GRK5: variants seen among roughly 807,000 people sequenced by gnomAD.
The protein encoded by GRK5 is g protein-coupled receptor kinase GRK5.
Under a neutral mutation model 78.4 loss-of-function variants are expected in GRK5, and 40 were observed. The ratio of observed to expected loss-of-function variants is 0.51; its 90% confidence interval spans 0.40 to 0.66. GRK5 has a LOEUF of 0.66. Among genes scored for constraint, GRK5 ranks in the 30% least tolerant of loss-of-function variants. The pLI, the probability that GRK5 is intolerant of heterozygous loss-of-function variation, is 0.00. For missense variants in GRK5, 598 were observed against 759.9 expected (o/e 0.79, Z 2.50); for synonymous variants, 289 against 296.8 (o/e 0.97, Z 0.27).
At chr10:119,209,257 C>A (rs1322592419) in intron 1 of GRK5, among the ~76,000 whole-genome samples, 1 of 152,162 alleles carries the variant, frequency 6.6e-6, no homozygotes, top group Non-Finnish European at 1.5e-5. Flanking sequence ...CTCAACCCGG[C>A]ATTCGTGTCT....
intron 4 of GRK5, among the ~76,000 whole-genome samples, chr10:119,414,390 T>TGA (rs985397517): frequency 6.6e-5 from 10 of 151,940 alleles, no homozygotes; most frequent in Non-Finnish European, 1.0e-4. Flanking sequence ...TGTGTGTGTG[T>TGA]GAGAGAGAGA....
At chr10:119,453,348 A>G in intron 15 of GRK5, 72 bp downstream of exon 15, 1 of 1,568,638 alleles carries the variant, frequency 6.4e-7, no homozygotes, top group Non-Finnish European at 8.7e-7. Context: ...GGGAAACGAG[A>G]AGACCCACAG....
At chr10:119,397,597 C>T (rs1449563328) in intron 4 of GRK5, among the ~76,000 whole-genome samples, 1 of 152,214 alleles carries the variant, frequency 6.6e-6, no homozygotes, top group Non-Finnish European at 1.5e-5. Context: ...CTGCTCAGGA[C>T]CCTGTGGGCC....
intron 2 of GRK5, among the ~76,000 whole-genome samples, chr10:119,340,252 A>G (rs2252545): frequency 0.11 from 16,021 of 151,998 alleles, 1,567 homozygotes; most frequent in African/African-American, 0.26. Context: ...TCAGCCTCCC[A>G]AGTAGCTGGG....
chr10:119,324,953 C>T (rs892941048), intron 1 of GRK5, among the ~76,000 whole-genome samples: 8 of 152,188 alleles, frequency 5.3e-5, no homozygotes, highest in Non-Finnish European at 1.0e-4. Flanking sequence ...AGGCCTTGGC[C>T]GTCTGTGGAG....
chr10:119,292,110 CTCT>C (rs1849984475), intron 1 of GRK5, among the ~76,000 whole-genome samples: 2 of 59,134 alleles, frequency 3.4e-5, no homozygotes, highest in Non-Finnish European at 7.1e-5. Flanking sequence ...CCTCCTTCTC[CTCT>C]TCCTCCCTCT....
In GRK5 at chr10:119,394,336, CTGTG is replaced by C. The variant is rs554326112; in HGVS notation, c.262-2354_262-2351del. Among the ~76,000 whole-genome samples the C allele has an allele frequency of 1.1e-3, 15 of 13,484 alleles. 4 individuals carry two copies. In the South Asian group the frequency reaches 0.013, roughly 11 times the overall value. The allele number at this position is 13,484 out of a possible 152,430, so 8.8% of individuals were successfully genotyped here. A position where few individuals can be genotyped will look rare whatever the true frequency, so the allele number is the denominator to read the frequency against. The stretch of plus-strand genomic sequence containing the variant: ...CACGTGGGTGTGTGTATCTGTGTGT[CTGTG>C]TGTGGGCATGTGGGTGTGTGGGTGT... On this transcript the variant is annotated intron_variant, in intron 3 of 15. Coordinates refer to ENST00000392870, the MANE Select transcript of GRK5 (RefSeq NM_005308.3).
chr10:119,408,743 T>G (rs7092081), intron 4 of GRK5, among the ~76,000 whole-genome samples: 77,992 of 152,010 alleles, frequency 0.51, 21,562 homozygotes, highest in Middle Eastern at 0.66. Flanking sequence ...GAGTGTCTGT[T>G]GGGATGATAA....
In GRK5 at chr10:119,457,503, G is replaced by A. The variant is rs1040476899; in HGVS notation, c.*2436G>A. The stretch of plus-strand genomic sequence containing the variant: ...CCCTCCCTGAGTGCCCAGAGGAGAT[G>A]GGGGCAGAGTCACTTGGCCTACTAA... On this transcript the variant is annotated 3_prime_UTR_variant, in exon 16 of 16. Coordinates refer to ENST00000392870, the MANE Select transcript of GRK5 (RefSeq NM_005308.3). 5.3e-5 allele frequency: 8 copies of A among 152,078 alleles called. No individual in the cohort carries two copies. The highest frequency in any genetic ancestry group is 8.8e-5 in the Non-Finnish European group (6 of 68,036). The allele number at this position is 152,078 out of a possible 1,614,324, so 9.4% of individuals were successfully genotyped here.
At position 119,451,371 on chromosome 10, in the gene GRK5, T is replaced by C. The variant is rs76065646; in HGVS notation, c.1405-1300T>C. Among the ~76,000 whole-genome samples the C allele has an allele frequency of 3.9e-5, 6 of 152,192 alleles. No individual in the cohort carries two copies. The East Asian group carries it at 1.2e-3, about 29-fold the overall frequency. ...ATTACAGATTTTTAAAATACGCTCA[T>C]TTCTTAACATTCCTCTGCAAGCCAC... On this transcript the variant is annotated intron_variant, in intron 13 of 15. Coordinates refer to ENST00000392870, the MANE Select transcript of GRK5 (RefSeq NM_005308.3).
Position 119,336,222 on chromosome 10 carries a change from C to T in GRK5, c.148+9611C>T, listed in dbSNP as rs1654705385. On this transcript the variant is annotated intron_variant, in intron 2 of 15. Transcript: ENST00000392870. The surrounding 1 kb of genome is among the most constrained non-coding windows in gnomAD (Gnocchi z 4.5). ...AGCTTCCTCTTCTTGGAAGCCTGCC[C>T]TGATTCCTGCAGTCCTCAGCCTTCC... 6.6e-6 allele frequency: 1 copy of T among 152,324 alleles called. No individual in the cohort carries two copies. Among genetic ancestry groups the T allele is most frequent in the Admixed American group, 6.6e-5 (1 of 15,264 alleles). The allele number at this position is 152,324 out of a possible 1,614,324, so 9.4% of individuals were successfully genotyped here. A position where few individuals can be genotyped will look rare whatever the true frequency, so the allele number is the denominator to read the frequency against.
intron 1 of GRK5, among the ~76,000 whole-genome samples, chr10:119,320,287 C>T (rs148455693): frequency 4.6e-5 from 7 of 152,320 alleles, no homozygotes; most frequent in African/African-American, 1.4e-4. Flanking sequence ...AAACCCAGGT[C>T]CCTGACACCA....
chr10:119,387,596 T>C (rs1386831748), intron 3 of GRK5, among the ~76,000 whole-genome samples: 1 of 152,224 alleles, frequency 6.6e-6, no homozygotes, highest in Non-Finnish European at 1.5e-5. Flanking sequence ...GGTCAGGGGA[T>C]TGAAGAGGGT....
chr10:119,454,829 G>A (rs1853370203), intron 15 of GRK5, 140 bp from the exon 16 acceptor site: 2 of 623,656 alleles, frequency 3.2e-6, no homozygotes, highest in South Asian at 3.8e-5. Context: ...GGTGGCCCTT[G>A]TACCTGGCTC....
chr10:119,274,609 T>A (rs1849637623), intron 1 of GRK5, among the ~76,000 whole-genome samples: 2 of 152,238 alleles, frequency 1.3e-5, no homozygotes, highest in Non-Finnish European at 2.9e-5. Flanking sequence ...GATGCTGCTG[T>A]GCCTCTTGAG....
At position 119,343,780 on chromosome 10, in the gene GRK5, G is replaced by A. The variant is rs555214817; in HGVS notation, c.148+17169G>A. On this transcript the variant is annotated intron_variant, in intron 2 of 15. Transcript: ENST00000392870. ...AGGGATCCATTGAATGTTCATCTCT[G>A]ATAGCCGCTGTCTGCAGTCATCCTC... is the stretch of plus-strand genomic sequence containing the variant. Among the ~76,000 whole-genome samples the A allele has an allele frequency of 4.6e-5, 7 of 152,312 alleles. No homozygotes were observed. In the South Asian group the frequency reaches 1.5e-3, roughly 32 times the overall value.
At chr10:119,229,348 G>T (rs1848789322) in intron 1 of GRK5, among the ~76,000 whole-genome samples, 1 of 152,124 alleles carries the variant, frequency 6.6e-6, no homozygotes, top group South Asian at 2.1e-4. Context: ...TTGGTGGAAG[G>T]TGAGCACTCC....
intron 4 of GRK5, among the ~76,000 whole-genome samples, chr10:119,405,568 C>A (rs974626704): frequency 2.6e-5 from 4 of 152,012 alleles, no homozygotes; most frequent in Admixed American, 2.6e-4. Context: ...TCCCCACCCC[C>A]ACCCAGGCAC....
At chr10:119,266,486 G>A (rs1454252227) in intron 1 of GRK5, among the ~76,000 whole-genome samples, 1 of 152,046 alleles carries the variant, frequency 6.6e-6, no homozygotes, top group Non-Finnish European at 1.5e-5. Flanking sequence ...AATGATGCTG[G>A]TTGTTATCAA....
Sources: allele counts gnomAD v4.1 joint callset (sites outside exome capture counted in the v4.1 genomes callset), GRCh38; gene constraint gnomAD v4.1.1; non-coding constraint Gnocchi (gnomAD v3.1); transcripts MANE v1.5; gene names NCBI Gene and HGNC (gene_info 2026-07-23, HGNC 2026-07-21).